The following NR1H4 variants were observed in gnomAD, a reference collection of about 807,000 sequenced individuals.
The protein encoded by NR1H4 is nuclear receptor subfamily 1 group H member 4, also known as bile acid receptor.
A neutral mutation model predicts 58.5 loss-of-function variants in NR1H4; 23 were observed. The ratio of observed to expected loss-of-function variants is 0.39; its 90% CI spans 0.28 to 0.56. NR1H4 has a LOEUF of 0.56. Among genes scored for constraint, NR1H4 ranks in the 20% least tolerant of loss-of-function variants. NR1H4 has a pLI of 0.58. For missense variants in NR1H4, 487 were observed against 576.9 expected (o/e 0.84, Z 1.60); for synonymous variants, 214 against 198.0 (o/e 1.08, Z -0.68).
At chr12:100,504,051 A>G (rs911432745) in intron 3 of NR1H4, among the ~76,000 whole-genome samples, 1 of 152,040 alleles carries the variant, frequency 6.6e-6, no homozygotes, top group Non-Finnish European at 1.5e-5. Flanking sequence ...CTAAAACCGT[A>G]GGTTGTGGTA....
At chr12:100,481,878 C>T (rs1324682725) in intron 1 of NR1H4, among the ~76,000 whole-genome samples, 1 of 151,870 alleles carries the variant, frequency 6.6e-6, no homozygotes, top group Non-Finnish European at 1.5e-5. Flanking sequence ...GGCACCACTG[C>T]ACTCCAGCCT....
rs1201558372 is a variant in NR1H4, at chr12:100,473,870, G to A, written c.-379G>A. 6.6e-6 allele frequency: 1 copy of A among 152,308 alleles called. No homozygotes were observed. The highest frequency in any genetic ancestry group is 1.5e-5 in the Non-Finnish European group (1 of 68,124). The allele number at this position is 152,308 out of a possible 1,614,324, so 9.4% of individuals were successfully genotyped here. On this transcript the variant is annotated 5_prime_UTR_variant, in exon 1 of 11. Coordinates refer to ENST00000392986, the MANE Select transcript of NR1H4 (RefSeq NM_001206979.2). The stretch of plus-strand genomic sequence containing the variant: ...AAGAGATGCTGCTGCTAGCCCAGAA[G>A]GCCGCCTGTGATCATGCACAGTACA...
At chr12:100,541,580 CTA>C (rs1954936724) in intron 9 of NR1H4, among the ~76,000 whole-genome samples, 1 of 151,078 alleles carries the variant, frequency 6.6e-6, no homozygotes. Context: ...CCGTGCCTGA[CTA>C]AAGTTAACTT....
intron 3 of NR1H4, among the ~76,000 whole-genome samples, chr12:100,501,787 A>G (rs996590111): frequency 2.0e-5 from 3 of 152,188 alleles, no homozygotes; most frequent in East Asian, 1.9e-4. Context: ...TAGGGCATGA[A>G]TTATTATCTA....
chr12:100,474,544 T>A (rs1392162905), intron 1 of NR1H4, among the ~76,000 whole-genome samples: 1 of 152,218 alleles, frequency 6.6e-6, no homozygotes, highest in Non-Finnish European at 1.5e-5. Context: ...GTGGAAAAAG[T>A]CTTCTTTCTT....
chr12:100,523,547 C>A lies in NR1H4; in HGVS notation c.446-8911C>A, dbSNP rs183103398. On this transcript the variant is annotated intron_variant, in intron 4 of 10. Coordinates refer to ENST00000392986, the MANE Select transcript of NR1H4 (RefSeq NM_001206979.2). ...GATTATTTATTTTGCTGTGTAGAAT[C>A]TTTTTAGTTTAATCAGGTCCCATTT... Among the ~76,000 whole-genome samples, 478 of 152,156 alleles carry A rather than the reference C, an allele frequency of 3.1e-3. 4 individuals are homozygous for A. Among genetic ancestry groups the A allele is most frequent in the Admixed American group, 5.6e-3 (85 of 15,286 alleles).
chr12:100,518,821 C>T (rs1280539495), intron 4 of NR1H4, among the ~76,000 whole-genome samples: 3 of 128,726 alleles, frequency 2.3e-5, no homozygotes, highest in Admixed American at 8.9e-5. Flanking sequence ...GAGATGGACT[C>T]TCGCTCTGTC....
chr12:100,536,099 T>A (rs573632497), intron 6 of NR1H4, among the ~76,000 whole-genome samples: 8 of 152,254 alleles, frequency 5.3e-5, no homozygotes, highest in African/African-American at 1.9e-4. Context: ...CTCAGATGAC[T>A]TCACCAGGTG....
At chr12:100,536,243 A>G (rs1315992806) in intron 6 of NR1H4, among the ~76,000 whole-genome samples, 1 of 152,200 alleles carries the variant, frequency 6.6e-6, no homozygotes, top group Non-Finnish European at 1.5e-5. Flanking sequence ...CTTCATATCC[A>G]GACTACCATT....
chr12:100,500,784 G>A (rs569721327), intron 3 of NR1H4, among the ~76,000 whole-genome samples: 20 of 152,206 alleles, frequency 1.3e-4, no homozygotes, highest in African/African-American at 4.8e-4. Context: ...ATGCTTTGCT[G>A]CCCTTTCACC....
chr12:100,511,909 C>T (rs975825377), intron 4 of NR1H4, among the ~76,000 whole-genome samples: 14 of 148,282 alleles, frequency 9.4e-5, no homozygotes, highest in African/African-American at 2.7e-4. Flanking sequence ...GCAACAAGAG[C>T]GAAAATCCAT....
chr12:100,499,149 A>G (rs1391866512), intron 3 of NR1H4, among the ~76,000 whole-genome samples: 2 of 152,202 alleles, frequency 1.3e-5, no homozygotes, highest in Non-Finnish European at 2.9e-5. Context: ...GATGTTACAG[A>G]GTCAGTCAGA....
intron 1 of NR1H4, among the ~76,000 whole-genome samples, chr12:100,476,589 G>C: frequency 6.6e-6 from 1 of 152,172 alleles, no homozygotes; most frequent in Admixed American, 6.5e-5. Context: ...GATTTTCAAA[G>C]GCTCACATTG....
In NR1H4 at chr12:100,564,196, C is replaced by T. The variant is rs961515883; in HGVS notation, c.*707C>T. 2 of 152,226 alleles carry T rather than the reference C, an allele frequency of 1.3e-5. No individual in the cohort carries two copies. Among genetic ancestry groups the T allele is most frequent in the Non-Finnish European group, 2.9e-5 (2 of 68,048 alleles). 9.4% of individuals were successfully genotyped at this position (152,226 alleles called of 1,614,324 possible). On this transcript the variant is annotated 3_prime_UTR_variant, in exon 11 of 11. Transcript: ENST00000392986. ...GCTAACTGCAGTGATGGGACCTTCG[C>T]TTTCCTCTCTTAAAAGTGAGGAAAT...
chr12:100,506,634 G>A (rs893508779), intron 3 of NR1H4, among the ~76,000 whole-genome samples: 2 of 151,950 alleles, frequency 1.3e-5, no homozygotes, highest in African/African-American at 2.4e-5. Flanking sequence ...TCAGCCTCCC[G>A]AGTGGCTGGG....
chr12:100,475,531 A>G (rs1228537786), intron 1 of NR1H4, among the ~76,000 whole-genome samples: 1 of 151,606 alleles, frequency 6.6e-6, no homozygotes, highest in Non-Finnish European at 1.5e-5. Flanking sequence ...TCTTGTTTCC[A>G]CCTCTTCAAG....
chr12:100,482,441 T>C (rs1362208559), intron 1 of NR1H4, among the ~76,000 whole-genome samples: 1 of 152,226 alleles, frequency 6.6e-6, no homozygotes, highest in Non-Finnish European at 1.5e-5. Context: ...ATTTATGTAT[T>C]AGTTACTTTA....
At chr12:100,557,654 A>G (rs1447919928) in intron 9 of NR1H4, among the ~76,000 whole-genome samples, 1 of 152,126 alleles carries the variant, frequency 6.6e-6, no homozygotes, top group Admixed American at 6.5e-5. Context: ...TTGTATGTCC[A>G]TGTGTATCCA....
At chr12:100,489,163 C>T (rs540610844) in intron 1 of NR1H4, among the ~76,000 whole-genome samples, 2 of 152,246 alleles carry the variant, frequency 1.3e-5, no homozygotes, top group African/African-American at 4.8e-5. Flanking sequence ...CAGTAAGAAG[C>T]TGTTAAGAGG....
Sources: allele counts gnomAD v4.1 joint callset (sites outside exome capture counted in the v4.1 genomes callset), GRCh38; gene constraint gnomAD v4.1.1; transcripts MANE v1.5; gene names NCBI Gene and HGNC (gene_info 2026-07-23, HGNC 2026-07-21).